The following FRK variants were observed in gnomAD, a reference collection of about 807,000 sequenced individuals.
FRK encodes tyrosine-protein kinase FRK.
FRK carries 51 observed loss-of-function variants against 56.4 expected under a neutral mutation model. The ratio of observed to expected loss-of-function variants is 0.90; its 90% CI spans 0.72 to 1.14. The LOEUF is 1.14. Among genes scored for constraint, FRK ranks in the 50% most tolerant of loss-of-function variants. The pLI is 0.00. For missense variants in FRK, 570 were observed against 601.4 expected (o/e 0.95, Z 0.55); for synonymous variants, 245 against 217.9 (o/e 1.12, Z -1.10).
intron 1 of FRK, among the ~76,000 whole-genome samples, chr6:116,043,878 A>G (rs1776830787): frequency 1.3e-5 from 2 of 152,042 alleles, no homozygotes; most frequent in Admixed American, 1.3e-4. Context: ...AGAATCAATT[A>G]GACATGAAAA....
chr6:116,035,795 C>T (rs1305156365), intron 1 of FRK, among the ~76,000 whole-genome samples: 1 of 151,948 alleles, frequency 6.6e-6, no homozygotes, highest in African/African-American at 2.4e-5. Context: ...TCAGTTGTTG[C>T]AACAACTACC....
At chr6:116,043,108 A>G (rs772299072) in intron 1 of FRK, among the ~76,000 whole-genome samples, 2 of 152,230 alleles carry the variant, frequency 1.3e-5, no homozygotes, top group East Asian at 1.9e-4. Context: ...AGACCTACAA[A>G]CAGACTTAGA....
chr6:115,993,036 T>C (rs1253914353), intron 2 of FRK, among the ~76,000 whole-genome samples: 1 of 151,810 alleles, frequency 6.6e-6, no homozygotes, highest in Non-Finnish European at 1.5e-5. Context: ...TTTTCTAGGT[T>C]TAATAATGGA....
chr6:116,061,399 A>AACACACAC (rs3049929), upstream of FRK, among the ~76,000 whole-genome samples: 662 of 146,672 alleles, frequency 4.5e-3, 4 homozygotes, highest in South Asian at 0.015. Context: ...CTATTTGGGA[A>AACACACAC]ACACACACAC....
intron 1 of FRK, among the ~76,000 whole-genome samples, chr6:116,005,941 G>A (rs968441555): frequency 1.3e-5 from 2 of 152,000 alleles, no homozygotes; most frequent in Admixed American, 1.3e-4. Context: ...AACTTCCTAA[G>A]GACATTGGAC....
intron 2 of FRK, among the ~76,000 whole-genome samples, chr6:115,977,249 T>A (rs1774022807): frequency 6.6e-6 from 1 of 152,104 alleles, no homozygotes; most frequent in African/African-American, 2.4e-5. Flanking sequence ...GCAAATAGAG[T>A]AGGATTCCAG....
chr6:116,060,359 AGT>A lies in FRK; in HGVS notation c.-50_-49del. 6.9e-7 allele frequency: 1 copy of A among 1,445,438 alleles called. No homozygotes were observed. 89.5% of individuals were successfully genotyped at this position (1,445,438 alleles called of 1,614,324 possible). The stretch of plus-strand genomic sequence containing the variant: ...GAGCAGGGCTTCTCCCTCTCCCCTT[AGT>A]CTCTGCGATCCACCTTATCTTCCTT... On this transcript the variant is annotated 5_prime_UTR_variant, in exon 1 of 8. Transcript: ENST00000606080.
intron 4 of FRK, among the ~76,000 whole-genome samples, chr6:115,966,021 G>A (rs1773554498): frequency 9.5e-6 from 1 of 105,564 alleles, no homozygotes; most frequent in Non-Finnish European, 1.8e-5. Context: ...TGCACAATGT[G>A]CACATGTACC....
intron 1 of FRK, among the ~76,000 whole-genome samples, chr6:116,053,306 C>G (rs1777248400): frequency 6.6e-6 from 1 of 152,046 alleles, no homozygotes; most frequent in South Asian, 2.1e-4. Flanking sequence ...GTTAGAAAAT[C>G]TGAAGGGAAT....
rs1777591333 is a variant in FRK, at chr6:116,060,559, G to C, written c.-248C>G. ...CGAGGCAAAACTGAGCAGGAGCTGGGCAGCTGCTCACTAGGAAGGTGTCTT... is the reference window on the plus strand; with the variant it reads ...CGAGGCAAAACTGAGCAGGAGCTGGCCAGCTGCTCACTAGGAAGGTGTCTT... On this transcript the variant is annotated 5_prime_UTR_variant, in exon 1 of 8. Coordinates refer to ENST00000606080, the MANE Select transcript of FRK (RefSeq NM_002031.3). The C allele has an allele frequency of 1.3e-5, 6 of 462,556 alleles. No individual in the cohort carries two copies. Among genetic ancestry groups the C allele is most frequent in the South Asian group, 7.9e-5 (2 of 25,270 alleles). The allele number at this position is 462,556 out of a possible 1,614,324, so 28.7% of individuals were successfully genotyped here. A position where few individuals can be genotyped will look rare whatever the true frequency, so the allele number is the denominator to read the frequency against.
the FRK span, among the ~76,000 whole-genome samples, chr6:116,086,071 T>C: frequency 6.6e-6 from 1 of 151,818 alleles, no homozygotes; most frequent in Non-Finnish European, 1.5e-5. Context: ...AGTGGCATGA[T>C]CTCTGCTCAC....
At chr6:116,048,910 G>A (rs930386185) in intron 1 of FRK, among the ~76,000 whole-genome samples, 2 of 151,738 alleles carry the variant, frequency 1.3e-5, no homozygotes, top group African/African-American at 4.8e-5. Context: ...ATTCAAAAAT[G>A]TTATTTTCCT....
chr6:115,942,752 T>C (rs2282323), intron 7 of FRK, 127 bp from the exon 8 acceptor site: 33,983 of 831,592 alleles, frequency 0.041, 1,575 homozygotes, highest in Admixed American at 0.19. Flanking sequence ...ATTTAAGGTC[T>C]GCCATCCCCT....
chr6:116,011,671 G>A (rs188611675), intron 1 of FRK, among the ~76,000 whole-genome samples: 1 of 152,232 alleles, frequency 6.6e-6, no homozygotes, highest in Admixed American at 6.5e-5. Flanking sequence ...TGACTTGGCA[G>A]GCATCGCTGT....
intron 2 of FRK, chr6:116,002,811 T>G: frequency 2.3e-6 from 1 of 426,620 alleles, no homozygotes; most frequent in Non-Finnish European, 4.8e-6. Context: ...TCAAAACCAC[T>G]GCCCTTGCTT....
intron 1 of FRK, among the ~76,000 whole-genome samples, chr6:116,027,785 A>C (rs1361394025): frequency 2.6e-4 from 39 of 152,036 alleles, no homozygotes; most frequent in Admixed American, 2.6e-3. Flanking sequence ...TAGAAAAATC[A>C]TTATAAAAGA....
At chr6:115,973,834 G>A (rs1266678507) in intron 2 of FRK, among the ~76,000 whole-genome samples, 3 of 149,606 alleles carry the variant, frequency 2.0e-5, no homozygotes, top group African/African-American at 7.4e-5. Flanking sequence ...TTGTGCCACT[G>A]CAATTCAGCC....
At chr6:116,068,877 G>T in the FRK span, among the ~76,000 whole-genome samples, 1 of 151,466 alleles carries the variant, frequency 6.6e-6, no homozygotes, top group Admixed American at 6.6e-5. Flanking sequence ...TCATTCTTTG[G>T]CACTGTCAAA....
chr6:116,028,194 AC>A (rs1294777797), intron 1 of FRK, among the ~76,000 whole-genome samples: 4 of 151,984 alleles, frequency 2.6e-5, no homozygotes, highest in Non-Finnish European at 4.4e-5. Context: ...CCTTATCACT[AC>A]TCAGTACCAT....
Sources: gnomAD v4.1 joint callset for allele counts (sites outside exome capture counted in the v4.1 genomes callset) on GRCh38, gnomAD v4.1.1 for gene constraint, MANE v1.5 for transcripts, NCBI Gene and HGNC (gene_info 2026-07-23, HGNC 2026-07-21) for gene names.